The following EGFR variants were observed in gnomAD, a reference collection of about 807,000 sequenced individuals.
The protein encoded by EGFR is epidermal growth factor receptor.
EGFR carries 58 observed loss-of-function variants against 143.0 expected under a neutral mutation model. The ratio of observed to expected loss-of-function variants is 0.41; its 90% CI spans 0.33 to 0.50. EGFR has a LOEUF of 0.50. Ranked by LOEUF, EGFR falls within the 20% of genes least tolerant of loss-of-function variation. The pLI is 0.39. For missense variants in EGFR, 1,307 were observed against 1,579.0 expected, an observed-to-expected ratio of 0.83 and a Z score of 2.92; for synonymous variants, 613 against 594.4, an observed-to-expected ratio of 1.03 and a Z score of -0.45.
Position 55,174,968 on chromosome 7 carries a change from T to C in EGFR, c.2283+148T>C, listed in dbSNP as rs72547457. ...TATGTCTTTCCCTTTCTAGCTCTAG[T>C]GGGTATAACTCCCTCCCCTTAGAGA... On this transcript the variant is annotated intron_variant, in intron 19 of 27. Coordinates refer to ENST00000275493, the MANE Select transcript of EGFR (RefSeq NM_005228.5). The C allele has an allele frequency of 3.0e-5, 21 of 704,490 alleles. No homozygotes were observed. In the South Asian group the frequency reaches 3.2e-4, roughly 11 times the overall value. 43.6% of individuals were successfully genotyped at this position (704,490 alleles called of 1,614,324 possible).
intron 20 of EGFR, among the ~76,000 whole-genome samples, chr7:55,185,525 G>T (rs1787093838): frequency 6.6e-6 from 1 of 152,230 alleles, no homozygotes; most frequent in Non-Finnish European, 1.5e-5. Flanking sequence ...TCCCCGTGGA[G>T]CCTCCCATGC....
chr7:55,128,221 T>A, intron 1 of EGFR, among the ~76,000 whole-genome samples: 1 of 152,204 alleles, frequency 6.6e-6, no homozygotes, highest in East Asian at 1.9e-4. Context: ...GAAAGACACT[T>A]CTGCTGATCA....
chr7:55,192,436 T>G (rs2692451), intron 21 of EGFR, among the ~76,000 whole-genome samples: 4,467 of 152,274 alleles, frequency 0.029, 91 homozygotes, highest in Middle Eastern at 0.088. Flanking sequence ...CTGGCCTGCT[T>G]GGCTCCTAGC....
At chr7:55,202,809 C>T in intron 27 of EGFR, 184 bp downstream of exon 27, 2 of 711,522 alleles carry the variant, frequency 2.8e-6, no homozygotes, top group South Asian at 1.5e-5. Flanking sequence ...CCTGCACAAG[C>T]TCTTTGTTGT....
At chr7:55,120,056 C>A (rs1044119810) in intron 1 of EGFR, among the ~76,000 whole-genome samples, 1 of 152,220 alleles carries the variant, frequency 6.6e-6, no homozygotes, top group African/African-American at 2.4e-5. Context: ...CAAGTGAAAA[C>A]CTTCCTGTTT....
Position 55,152,647 on chromosome 7 carries a change from C to G in EGFR, c.730C>G (p.Arg244Gly), listed in dbSNP as rs554981236. The G allele has an allele frequency of 6.2e-7, 1 of 1,613,594 alleles. No homozygotes were observed. The highest frequency in any genetic ancestry group is 1.3e-5 in the African/African-American group (1 of 75,054). ...GTGTGCTGCAGGCTGCACAGGCCCC[C>G]GGGAGAGCGACTGCCTGGTAAGATG... Reference protein sequence around the residue: ...NQCAAGCTGPRESDCLVCRKF... With the variant: ...NQCAAGCTGPGESDCLVCRKF... Residue 244 changes from arginine to glycine, a missense_variant, in exon 6 of 28, where the codon CGG becomes GGG. Coordinates refer to ENST00000275493, the MANE Select transcript of EGFR (RefSeq NM_005228.5).
chr7:55,168,627 T>C lies in EGFR; in HGVS notation c.1881-2548T>C, dbSNP rs1786189526. On this transcript the variant is annotated intron_variant, in intron 15 of 27. Transcript: ENST00000275493. ...TGCTTCAAATAAAGTCCTGACACTA[T>C]TCATTTGACATATGGAATTTTATAA... 4 of 1,557,110 alleles carry C rather than the reference T, an allele frequency of 2.6e-6. No individual in the cohort carries two copies. The Admixed American group carries it at 7.1e-5, about 28-fold the overall frequency.
chr7:55,191,017 T>A (rs1194108489), intron 20 of EGFR, among the ~76,000 whole-genome samples: 2 of 152,102 alleles, frequency 1.3e-5, no homozygotes, highest in East Asian at 3.9e-4. Flanking sequence ...TCAGCCAGGG[T>A]CAGGGTAGCA....
chr7:55,113,029 CTT>C (rs1180633267), intron 1 of EGFR, among the ~76,000 whole-genome samples: 2 of 152,182 alleles, frequency 1.3e-5, no homozygotes, highest in African/African-American at 4.8e-5. Context: ...CACAAGGACA[CTT>C]TTGAGAATGA....
chr7:55,192,222 A>C (rs1787427178), intron 21 of EGFR, among the ~76,000 whole-genome samples: 1 of 152,174 alleles, frequency 6.6e-6, no homozygotes, highest in Non-Finnish European at 1.5e-5. Context: ...GCTGTCAAGG[A>C]CACCTAAGGA....
chr7:55,096,323 C>T lies in EGFR; in HGVS notation c.89-45963C>T, dbSNP rs150961882. ...CGGTTGTGTTCACCAGGTGCTTGGT[C>T]ATGATTAAGAATTCCGTGATGTGTA... On this transcript the variant is annotated intron_variant, in intron 1 of 27. Coordinates refer to ENST00000275493, the MANE Select transcript of EGFR (RefSeq NM_005228.5). 3.9e-3 allele frequency among the ~76,000 whole-genome samples: 597 copies of T among 152,338 alleles called. 6 individuals carry two copies. Among genetic ancestry groups the T allele is most frequent in the African/African-American group, 0.014 (571 of 41,576 alleles).
rs919712522 is a variant in EGFR at position 55,093,491 on chromosome 7, G to A, written c.89-48795G>A. ...CGAATTCATGCCCTCCCTCCCCACCGCTCGCCCCGCGTCTCAGTCCTCAGT... is the reference window on the plus strand; with the variant it reads ...CGAATTCATGCCCTCCCTCCCCACCACTCGCCCCGCGTCTCAGTCCTCAGT... On this transcript the variant is annotated intron_variant, in intron 1 of 27. Coordinates refer to ENST00000275493, the MANE Select transcript of EGFR (RefSeq NM_005228.5). 3.3e-5 allele frequency among the ~76,000 whole-genome samples: 5 copies of A among 152,166 alleles called. No individual in the cohort carries two copies. In the East Asian group the frequency reaches 5.8e-4, roughly 18 times the overall value.
At chr7:55,046,055 T>G (rs7789965) in intron 1 of EGFR, among the ~76,000 whole-genome samples, 7,390 of 152,334 alleles carry the variant, frequency 0.049, 306 homozygotes, top group South Asian at 0.16. Flanking sequence ...TCTACTTTTT[T>G]TATTAGTGTG....
chr7:55,126,576 C>A (rs1793535063), intron 1 of EGFR, among the ~76,000 whole-genome samples: 1 of 152,114 alleles, frequency 6.6e-6, no homozygotes. Context: ...ATGCCAGGTG[C>A]CCCCACTGCA....
intron 13 of EGFR, among the ~76,000 whole-genome samples, chr7:55,162,962 T>C (rs1054070027): frequency 6.6e-6 from 1 of 152,226 alleles, no homozygotes; most frequent in African/African-American, 2.4e-5. Context: ...AGCTAATTTT[T>C]TGTAGTTTTA....
chr7:55,022,354 G>A (rs913912066), intron 1 of EGFR, among the ~76,000 whole-genome samples: 19 of 152,290 alleles, frequency 1.2e-4, no homozygotes, highest in Middle Eastern at 3.4e-3. Context: ...GGTCCGAGCT[G>A]TCTTAAAGAG....
chr7:55,178,742 T>C (rs1786716937), intron 19 of EGFR, among the ~76,000 whole-genome samples: 1 of 152,220 alleles, frequency 6.6e-6, no homozygotes, highest in Non-Finnish European at 1.5e-5. Context: ...CTCTCTTCTT[T>C]AAAATTGTGG....
intron 1 of EGFR, among the ~76,000 whole-genome samples, chr7:55,116,968 T>C (rs1792893550): frequency 1.3e-5 from 2 of 152,234 alleles, no homozygotes; most frequent in African/African-American, 4.8e-5. Context: ...GTCCCACGTG[T>C]CCCTGGTGAA....
At chr7:55,148,081 G>T (rs1402611221) in intron 4 of EGFR, among the ~76,000 whole-genome samples, 3 of 152,190 alleles carry the variant, frequency 2.0e-5, no homozygotes, top group Admixed American at 6.5e-5. Flanking sequence ...GAATAATGCT[G>T]CTGTGAACAT....
Sources: allele counts gnomAD v4.1 joint callset (sites outside exome capture counted in the v4.1 genomes callset), GRCh38; gene constraint gnomAD v4.1.1; transcripts MANE v1.5; gene names NCBI Gene and HGNC (gene_info 2026-07-23, HGNC 2026-07-21).